Variants in MUC13 observed in about 807,000 individuals in gnomAD.
MUC13 encodes mucin 13, cell surface associated, also known as mucin-13.
Under a neutral mutation model 48.3 loss-of-function variants are expected in MUC13, and 32 were observed. That is an observed-to-expected ratio of 0.66 (90% CI 0.50 to 0.89). The LOEUF (loss-of-function observed/expected upper bound fraction) is 0.89, where lower values mean the gene tolerates loss of function less well. Ranked by LOEUF, MUC13 falls within the 40% of genes least tolerant of loss-of-function variation. MUC13 has a pLI of 0.00. For synonymous variants in MUC13, 199 were observed against 224.9 expected (o/e 0.88, Z 1.03); for missense variants, 571 against 622.8 (o/e 0.92, Z 0.88).
chr3:124,921,723 T>C (rs1368803411), intron 4 of MUC13, among the ~76,000 whole-genome samples: 1 of 152,260 alleles, frequency 6.6e-6, no homozygotes. Context: ...CTAGACATTT[T>C]TTTAAAAGCC....
chr3:124,934,569 G>T, intron 1 of MUC13, 92 bp downstream of exon 1: 1 of 847,368 alleles, frequency 1.2e-6, no homozygotes, highest in Non-Finnish European at 2.0e-6. Flanking sequence ...CCATGTGCTG[G>T]GCTGGGAGAA....
chr3:124,909,085 T>C (rs887582548), intron 10 of MUC13, among the ~76,000 whole-genome samples: 4 of 150,760 alleles, frequency 2.7e-5, no homozygotes, highest in Admixed American at 2.6e-4. Flanking sequence ...ACCTGGGAGG[T>C]GGAGGTTGCA....
At position 124,927,570 on chromosome 3, in the gene MUC13, C is replaced by A. The variant is rs1156548029; in HGVS notation, c.476G>T (p.Gly159Val). The A allele has an allele frequency of 6.2e-7, 1 of 1,614,130 alleles. No individual in the cohort carries two copies. Among genetic ancestry groups the A allele is most frequent in the Admixed American group, 1.7e-5 (1 of 60,016 alleles). The change falls in exon 2 of 12, where the codon GGC (glycine) becomes GTC (valine). Residue 159 changes from glycine (G) to valine (V), a missense_variant. Transcript: ENST00000616727. ...EDNQSSGPPT[G>V]TALLETSTLN... ...GGTGCTGGTCTCCAATAAAGCGGTGCCAGTGGGAGGCCCTGATGATTGATT... is the reference window on the plus strand; with the variant it reads ...GGTGCTGGTCTCCAATAAAGCGGTGACAGTGGGAGGCCCTGATGATTGATT...
chr3:124,921,351 A>G (rs1322727555), intron 4 of MUC13, among the ~76,000 whole-genome samples: 3 of 152,066 alleles, frequency 2.0e-5, no homozygotes, highest in Admixed American at 6.5e-5. Context: ...GGGTGTCACC[A>G]TGTTGGCTAG....
chr3:124,913,420 C>CA (rs1170228086), intron 7 of MUC13, 142 bp downstream of exon 7: 13 of 1,470,272 alleles, frequency 8.8e-6, no homozygotes, highest in Admixed American at 1.8e-5. Context: ...AGGTCCCAGC[C>CA]ATGGTCCATA....
In MUC13 at chr3:124,905,657, C is replaced by T. The variant is rs1935303677; in HGVS notation, c.*1086G>A. 1 of 153,186 alleles carries T rather than the reference C, an allele frequency of 6.5e-6. No homozygotes were observed. Among genetic ancestry groups the T allele is most frequent in the Non-Finnish European group, 1.5e-5 (1 of 68,042 alleles). The allele number at this position is 153,186 out of a possible 1,614,324, so 9.5% of individuals were successfully genotyped here. ...TGTGTGTTGGTGGCCACAGCTGAGC[C>T]TCTGTCACCAGAGAAGGCTGAGGCC... On this transcript the variant is annotated 3_prime_UTR_variant, in exon 12 of 12. Coordinates refer to ENST00000616727, the MANE Select transcript of MUC13 (RefSeq NM_033049.4).
intron 6 of MUC13, 124 bp downstream of exon 6, chr3:124,916,193 A>G: frequency 1.3e-6 from 1 of 743,330 alleles, no homozygotes; most frequent in Non-Finnish European, 2.2e-6. Flanking sequence ...ATAAAAAGAA[A>G]TTTAGAGACA....
chr3:124,922,241 G>A lies in MUC13; in HGVS notation c.700C>T (p.His234Tyr), dbSNP rs145881911. 9 of 1,614,152 alleles carry A rather than the reference G, an allele frequency of 5.6e-6. No homozygotes were observed. Among genetic ancestry groups the A allele is most frequent in the African/African-American group, 4.0e-5 (3 of 75,060 alleles). Residue 234 changes from histidine (H) to tyrosine (Y), a missense_variant, in exon 4 of 12, where the codon CAT becomes TAT. By Grantham distance (83) the His-to-Tyr change is moderately conservative. Coordinates refer to ENST00000616727, the MANE Select transcript of MUC13 (RefSeq NM_033049.4). ...TGCAAGTCTTGATAGGCCATGGAAT[G>A]TTTCTCTTCTGGGTCAAATGTTTCT... is the stretch of plus-strand genomic sequence containing the variant. ...VSETFDPEEK[H>Y]SMAYQDLHSE...
At chr3:124,911,793 G>A (rs1935424478) in intron 9 of MUC13, among the ~76,000 whole-genome samples, 1 of 152,112 alleles carries the variant, frequency 6.6e-6, no homozygotes, top group South Asian at 2.1e-4. Flanking sequence ...AGCAGATAAT[G>A]CATATGTAAG....
At chr3:124,914,425 A>G (rs1410435811) in intron 6 of MUC13, among the ~76,000 whole-genome samples, 1 of 152,058 alleles carries the variant, frequency 6.6e-6, no homozygotes, top group Non-Finnish European at 1.5e-5. Flanking sequence ...AGAAAAAAAA[A>G]AATGATGAGT....
chr3:124,916,219 A>G, intron 6 of MUC13, 98 bp downstream of exon 6: 1 of 877,138 alleles, frequency 1.1e-6, no homozygotes, highest in Non-Finnish European at 1.8e-6. Flanking sequence ...CAGTTCAATG[A>G]TGCAGTTCTT....
At chr3:124,912,484 A>T (rs1935440087) in intron 8 of MUC13, among the ~76,000 whole-genome samples, 1 of 152,224 alleles carries the variant, frequency 6.6e-6, no homozygotes, top group Non-Finnish European at 1.5e-5. Context: ...GTGACGCCAC[A>T]TGGCTCTGCC....
rs574979219 is a variant in MUC13 at position 124,913,785 on chromosome 3, T to C, written c.965-104A>G. On this transcript the variant is annotated intron_variant, in intron 6 of 11. Coordinates refer to ENST00000616727, the MANE Select transcript of MUC13 (RefSeq NM_033049.4). ...ATTGCTGTTATACTTTGCCTTTTAA[T>C]AAGTTTTGGGGCCAAGTGCAGTGGC... The C allele has an allele frequency of 4.0e-5, 56 of 1,390,416 alleles. No individual in the cohort carries two copies. The East Asian group carries it at 1.2e-3, about 30-fold the overall frequency. 86.1% of individuals were successfully genotyped at this position (1,390,416 alleles called of 1,614,324 possible).
At position 124,913,698 on chromosome 3, in the gene MUC13, G is replaced by A. The variant is rs780367725; in HGVS notation, c.965-17C>T. ...GAAGGGTCACTGAGAAGCACAAATA[G>A]TTTAAAAATATATTCAGCATGACAA... On this transcript the variant is annotated splice_polypyrimidine_tract_variant and intron_variant, in intron 6 of 11. Transcript: ENST00000616727. The A allele has an allele frequency of 1.2e-6, 2 of 1,613,794 alleles. No homozygotes were observed. The highest frequency in any genetic ancestry group is 1.7e-6 in the Non-Finnish European group (2 of 1,179,826).
chr3:124,910,042 C>G (rs1489070533), intron 10 of MUC13, among the ~76,000 whole-genome samples: 1 of 152,120 alleles, frequency 6.6e-6, no homozygotes, highest in African/African-American at 2.4e-5. Flanking sequence ...TAAATTCCGC[C>G]CCTTTACCCA....
Position 124,905,984 on chromosome 3 carries a change from A to G in MUC13, c.*759T>C, listed in dbSNP as rs1399687619. ...TTGCCTCTCTTCCTTCTACCAGGTC[A>G]TGTTTTTTACTCTCTGCCCCTTCTG... On this transcript the variant is annotated 3_prime_UTR_variant, in exon 12 of 12. Coordinates refer to ENST00000616727, the MANE Select transcript of MUC13 (RefSeq NM_033049.4). The G allele has an allele frequency of 6.6e-6, 1 of 152,602 alleles. No individual in the cohort carries two copies. Among genetic ancestry groups the G allele is most frequent in the Non-Finnish European group, 1.5e-5 (1 of 68,114 alleles). 9.5% of individuals were successfully genotyped at this position (152,602 alleles called of 1,614,324 possible).
At position 124,922,448 on chromosome 3, in the gene MUC13, A is replaced by G; in HGVS notation, c.638-145T>C. Reference sequence around the variant, plus strand: ...TCTGGAAATATTTTAAAAGTTACCCATCATCCTGCCCAACCTAGCACAACC... The same window carrying G: ...TCTGGAAATATTTTAAAAGTTACCCGTCATCCTGCCCAACCTAGCACAACC... On this transcript the variant is annotated intron_variant, in intron 3 of 11. Transcript: ENST00000616727. 4.7e-6 allele frequency: 5 copies of G among 1,069,284 alleles called. No homozygotes were observed. The Admixed American group carries it at 1.5e-4, about 33-fold the overall frequency. The allele number at this position is 1,069,284 out of a possible 1,614,324, so 66.2% of individuals were successfully genotyped here. A position where few individuals can be genotyped will look rare whatever the true frequency, so the allele number is the denominator to read the frequency against.
At chr3:124,929,141 G>A (rs1935748311) in intron 1 of MUC13, among the ~76,000 whole-genome samples, 1 of 151,784 alleles carries the variant, frequency 6.6e-6, no homozygotes, top group Non-Finnish European at 1.5e-5. Flanking sequence ...AAACTCTAGG[G>A]ATCCAGTGAT....
Position 124,910,423 on chromosome 3 carries a change from G to A in MUC13, c.1329C>T (p.Val443=). 6.2e-7 allele frequency: 1 copy of A among 1,613,996 alleles called. No individual in the cohort carries two copies. The highest frequency in any genetic ancestry group is 1.1e-5 in the South Asian group (1 of 91,046). ...VILSMIIALI[V]TARSNNKTKH... ...ACACTTTCATCCCATACCTTGCTGT[G>A]ACAATCAATGCAATTATCATGCTGA... Residue 443 remains valine (V), a synonymous_variant, in exon 10 of 12, where the codon GTC becomes GTT. Coordinates refer to ENST00000616727, the MANE Select transcript of MUC13 (RefSeq NM_033049.4).
Sources: gnomAD v4.1 joint callset for allele counts (sites outside exome capture counted in the v4.1 genomes callset) on GRCh38, gnomAD v4.1.1 for gene constraint, MANE v1.5 for transcripts, NCBI Gene and HGNC (gene_info 2026-07-23, HGNC 2026-07-21) for gene names.